The following NXF1 variants were observed in gnomAD, a reference collection of about 807,000 sequenced individuals.
NXF1 encodes the protein mRNA export factor TAP.
In NXF1, 43 loss-of-function variants were observed where a neutral mutation model predicts 92.4. The ratio of observed to expected loss-of-function variants is 0.47; its 90% CI spans 0.36 to 0.60. The LOEUF (loss-of-function observed/expected upper bound fraction) is 0.60, where lower values mean the gene tolerates loss of function less well. Ranked by LOEUF, NXF1 falls within the 20% of genes least tolerant of loss-of-function variation. NXF1 has a pLI of 0.00. For missense variants in NXF1, 576 were observed against 793.0 expected (o/e 0.73, Z 3.29); for synonymous variants, 288 against 292.2 (o/e 0.99, Z 0.15).
chr11:62,799,248 GACACA>G, intron 10 of NXF1: 1 of 985,616 alleles, frequency 1.0e-6, no homozygotes, highest in Non-Finnish European at 1.2e-6. Context: ...AAGACACCCT[GACACA>G]GCCCTTTCTT....
At position 62,802,100 on chromosome 11, in the gene NXF1, G is replaced by A. The variant is rs56994557; in HGVS notation, c.454-54C>T. On this transcript the variant is annotated intron_variant, in intron 4 of 20. Coordinates refer to ENST00000294172, the MANE Select transcript of NXF1 (RefSeq NM_006362.5). Reference sequence around the variant, plus strand: ...GGGAGTCCAGAGCCCTTGGGGAGGGGCATTACGCTGGGAGTCCAGCTTGCC... The same window carrying A: ...GGGAGTCCAGAGCCCTTGGGGAGGGACATTACGCTGGGAGTCCAGCTTGCC... 6,267 of 1,605,248 alleles carry A rather than the reference G, an allele frequency of 3.9e-3. 215 individuals are homozygous for A. The African/African-American group carries it at 0.074, about 19-fold the overall frequency.
intron 1 of NXF1, chr11:62,804,195 A>T (rs2084510388): frequency 1.3e-6 from 2 of 1,517,460 alleles, no homozygotes; most frequent in Non-Finnish European, 1.8e-6. Context: ...AGGGCTTTTG[A>T]AAAATGAAGT....
At position 62,803,517 on chromosome 11, in the gene NXF1, G is replaced by A. The variant is rs145757652; in HGVS notation, c.271C>T (p.Arg91Cys). 8.1e-5 allele frequency: 130 copies of A among 1,613,870 alleles called. No homozygotes were observed. The highest frequency in any genetic ancestry group is 1.2e-4 in the Admixed American group (7 of 59,990). The stretch of plus-strand genomic sequence containing the variant: ...TCTCTCCGCACAGTAACATGAATGC[G>A]ATCTCGATCATGCCAAGTATCACCC... ...RRGDTWHDRD[R>C]IHVTVRRDRA... The change falls in exon 3 of 21, where the codon CGC (arginine) becomes TGC (cysteine). Residue 91 changes from arginine to cysteine, a missense_variant. This residue lies in a region of NXF1 where 151 missense variants were observed against 157.8 expected (regional missense o/e 0.96). Coordinates refer to ENST00000294172, the MANE Select transcript of NXF1 (RefSeq NM_006362.5).
Position 62,797,324 on chromosome 11 carries a change from G to C in NXF1, c.1116C>G (p.Pro372=). The C allele has an allele frequency of 5.6e-6, 9 of 1,614,174 alleles. No individual in the cohort carries two copies. The highest frequency in any genetic ancestry group is 7.6e-6 in the Non-Finnish European group (9 of 1,180,014). Residue 372 remains proline (P), a synonymous_variant, in exon 12 of 21, where the codon CCC becomes CCG. Coordinates refer to ENST00000294172, the MANE Select transcript of NXF1 (RefSeq NM_006362.5). ...FDVEAPTTLP[P]CKGSYFGTEN... Reference sequence around the variant, plus strand: ...CTCTGTCCATGCTTCCTACCTTGCAGGGCGGTAACGTCGTGGGGGCTTCAA... The same window carrying C: ...CTCTGTCCATGCTTCCTACCTTGCACGGCGGTAACGTCGTGGGGGCTTCAA...
chr11:62,802,141 G>A, intron 4 of NXF1, 36 bp downstream of exon 4: 1 of 1,610,752 alleles, frequency 6.2e-7, no homozygotes, highest in Non-Finnish European at 8.5e-7. Flanking sequence ...ACCATCCCTG[G>A]TGCCTGGCCA....
intron 19 of NXF1, among the ~76,000 whole-genome samples, chr11:62,793,469 T>C (rs1039349257): frequency 2.0e-5 from 3 of 152,176 alleles, no homozygotes; most frequent in African/African-American, 4.8e-5. Context: ...CGCAGCACTT[T>C]GGGAGGCCTA....
chr11:62,796,256 T>C (rs972738783), intron 15 of NXF1, 31 bp downstream of exon 15: 1 of 1,613,812 alleles, frequency 6.2e-7, no homozygotes, highest in African/African-American at 1.3e-5. Flanking sequence ...CCATGCCCTT[T>C]TCCCATATTT....
At position 62,794,856 on chromosome 11, in the gene NXF1, G is replaced by A. The variant is rs967956716; in HGVS notation, c.1577+79C>T. Reference sequence around the variant, plus strand: ...GTTGCCTTTCTGAAATCACCCCAAAGACTGACTCTACCCTCCAATTACCAC... The same window carrying A: ...GTTGCCTTTCTGAAATCACCCCAAAAACTGACTCTACCCTCCAATTACCAC... On this transcript the variant is annotated intron_variant, in intron 18 of 20. Transcript: ENST00000294172. The A allele has an allele frequency of 8.9e-6, 12 of 1,348,350 alleles. No homozygotes were observed. In the East Asian group the frequency reaches 2.6e-4, roughly 29 times the overall value. The allele number at this position is 1,348,350 out of a possible 1,614,324, so 83.5% of individuals were successfully genotyped here.
rs1182285888 is a variant in NXF1, at chr11:62,803,801, C to T, written c.206G>A (p.Arg69Gln). 3 of 1,613,788 alleles carry T rather than the reference C, an allele frequency of 1.9e-6. No individual in the cohort carries two copies. The highest frequency in any genetic ancestry group is 1.7e-6 in the Non-Finnish European group (2 of 1,179,874). Residue 69 changes from arginine (R) to glutamine (Q), a missense_variant, in exon 2 of 21, where the codon CGA (arginine) becomes CAA (glutamine). Arg to Gln is a conservative substitution (Grantham distance 43, BLOSUM62 1). Coordinates refer to ENST00000294172, the MANE Select transcript of NXF1 (RefSeq NM_006362.5). The stretch of plus-strand genomic sequence containing the variant: ...CCAACTGGTCACTCACTATCGTACT[C>T]GGGGACCATCCTGGGCATCACTCAT... ...VAMSDAQDGPRVRYNPYTTRP... is the reference protein window; with the variant it reads ...VAMSDAQDGPQVRYNPYTTRP...
chr11:62,795,370 G>A, intron 17 of NXF1: 1 of 204,468 alleles, frequency 4.9e-6, no homozygotes, highest in Non-Finnish European at 1.0e-5. Flanking sequence ...CAGCTACTCG[G>A]GAGGCTGAAG....
intron 18 of NXF1, 143 bp from the exon 19 acceptor site, chr11:62,794,583 CATGGAATCA>C (rs1231398179): frequency 4.8e-5 from 35 of 723,760 alleles, no homozygotes; most frequent in Middle Eastern, 3.3e-4. Flanking sequence ...TATCCCCTCC[CATGGAATCA>C]ATGTTTGGAA....
chr11:62,793,814 T>A (rs2084391763), intron 19 of NXF1, among the ~76,000 whole-genome samples: 1 of 112,584 alleles, frequency 8.9e-6, no homozygotes, highest in Non-Finnish European at 1.7e-5. Flanking sequence ...AAAGCCCGTC[T>A]CTACTAAAAA....
In NXF1 at chr11:62,797,904, G is replaced by A. The variant is rs2084437591; in HGVS notation, c.1054-518C>T. 2.6e-5 allele frequency among the ~76,000 whole-genome samples: 4 copies of A among 152,204 alleles called. No individual in the cohort carries two copies. The South Asian group carries it at 6.2e-4, about 24-fold the overall frequency. On this transcript the variant is annotated intron_variant, in intron 11 of 20. Coordinates refer to ENST00000294172, the MANE Select transcript of NXF1 (RefSeq NM_006362.5). ...GCACACTGGGAGGCCAAGGTGGATGGATTAGTTGAGGTCAGGAGTTCAAGA... is the reference window on the plus strand; with the variant it reads ...GCACACTGGGAGGCCAAGGTGGATGAATTAGTTGAGGTCAGGAGTTCAAGA...
Position 62,801,112 on chromosome 11 carries a change from T to A in NXF1, c.888A>T (p.Leu296=). 6.2e-7 allele frequency: 1 copy of A among 1,613,916 alleles called. No homozygotes were observed. The highest frequency in any genetic ancestry group is 8.5e-7 in the Non-Finnish European group (1 of 1,179,762). Residue 296 remains leucine (L), a synonymous_variant, in exon 9 of 21, where the codon CTA becomes CTT. Transcript: ENST00000294172. ...IVQKAPNLKI[L]NLSGNELKSE... ...TTCTCACTTCATTTCCAGAAAGGTT[T>A]AGGATCTTCAGGTTGGGTGCCTTCT...
intron 13 of NXF1, 120 bp downstream of exon 13, chr11:62,797,061 CTG>C: frequency 1.2e-6 from 1 of 810,496 alleles, no homozygotes; most frequent in Non-Finnish European, 1.9e-6. Context: ...CAGTGAGACA[CTG>C]TCCAAAAAAA....
intron 10 of NXF1, chr11:62,800,076 G>A (rs1349289568): frequency 4.0e-6 from 5 of 1,238,462 alleles, no homozygotes; most frequent in South Asian, 4.3e-5. Context: ...AGTAGAAAGG[G>A]GAGATGCCTT....
At chr11:62,797,072 AAAAAAAAAAAAC>A in intron 13 of NXF1, 99 bp downstream of exon 13, 1 of 1,028,588 alleles carries the variant, frequency 9.7e-7, no homozygotes, top group South Asian at 1.5e-5. Flanking sequence ...TGTCCAAAAA[AAAAAAAAAAAAC>A]AAAACAAAAA....
rs146456664 is a variant in NXF1 at position 62,799,941 on chromosome 11, A to T, written c.1016+436T>A. On this transcript the variant is annotated intron_variant, in intron 10 of 20. Transcript: ENST00000294172. ...GGGCAAGAGGGGCCATCACAGTACAAAGGAGGGAAGGCCCATCTCAGTAGG... is the reference window on the plus strand; with the variant it reads ...GGGCAAGAGGGGCCATCACAGTACATAGGAGGGAAGGCCCATCTCAGTAGG... The T allele has an allele frequency of 1.5e-5, 15 of 996,206 alleles. No homozygotes were observed. The East Asian group carries it at 1.4e-3, about 94-fold the overall frequency. The allele number at this position is 996,206 out of a possible 1,614,324, so 61.7% of individuals were successfully genotyped here.
At chr11:62,794,506 T>C (rs778917278) in intron 18 of NXF1, 66 bp from the exon 19 acceptor site, 75 of 1,406,986 alleles carry the variant, frequency 5.3e-5, no homozygotes, top group Non-Finnish European at 7.2e-5. Context: ...ATCATTCCTA[T>C]TCTCTGATTC....
Sources: gnomAD v4.1 joint callset for allele counts (sites outside exome capture counted in the v4.1 genomes callset) on GRCh38, gnomAD v4.1.1 for gene constraint, gnomAD v4.1.1 regional missense constraint, MANE v1.5 for transcripts, NCBI Gene and HGNC (gene_info 2026-07-23, HGNC 2026-07-21) for gene names.